The following DLG2 variants were observed in gnomAD, a reference collection of about 807,000 sequenced individuals.
DLG2 encodes disks large homolog 2.
A neutral mutation model predicts 132.5 loss-of-function variants in DLG2; 45 were observed. That is an observed-to-expected ratio of 0.34 (90% CI 0.27 to 0.44). The LOEUF (loss-of-function observed/expected upper bound fraction) is 0.44. DLG2 is among the 20% of genes least tolerant of loss of function. The pLI, the probability that DLG2 is intolerant of heterozygous loss-of-function variation, is 1.00. For synonymous variants in DLG2, 424 were observed against 419.6 expected (o/e 1.01, Z -0.13); for missense variants, 1,045 against 1,196.9 (o/e 0.87, Z 1.87).
rs1567803913 is a variant in DLG2 at position 84,502,226 on chromosome 11, CCTTCCTTCCT to C, written c.519+32334_519+32343del. 4.2e-4 allele frequency among the ~76,000 whole-genome samples: 8 copies of C among 19,058 alleles called. 1 individual carries two copies. Among genetic ancestry groups the C allele is most frequent in the Non-Finnish European group, 6.6e-4 (7 of 10,666 alleles). 12.5% of individuals were successfully genotyped at this position (19,058 alleles called of 152,430 possible). A position where few individuals can be genotyped will look rare whatever the true frequency, so the allele number is the denominator to read the frequency against. ...TCCTTCCTTCCTTCCTTCCTTCCTT[CCTTCCTTCCT>C]TCCTTCCTTCCTTCCTTCCTTCCTT... On this transcript the variant is annotated intron_variant, in intron 7 of 27. Coordinates refer to ENST00000376104, the MANE Select transcript of DLG2 (RefSeq NM_001142699.3).
At chr11:83,859,400 C>G (rs1450631045) in intron 16 of DLG2, among the ~76,000 whole-genome samples, 1 of 152,154 alleles carries the variant, frequency 6.6e-6, no homozygotes, top group East Asian at 1.9e-4. Flanking sequence ...AAACGGGGAA[C>G]TTGTTGGGAA....
At chr11:85,263,928 G>A (rs999841151) in intron 4 of DLG2, among the ~76,000 whole-genome samples, 1 of 152,202 alleles carries the variant, frequency 6.6e-6, no homozygotes, top group African/African-American at 2.4e-5. Context: ...TATATTCCAA[G>A]GAAACAACAG....
chr11:84,162,314 A>G (rs1000679818), intron 9 of DLG2, among the ~76,000 whole-genome samples: 1 of 151,952 alleles, frequency 6.6e-6, no homozygotes, highest in Non-Finnish European at 1.5e-5. Flanking sequence ...GAGTGTATTT[A>G]TGTATATATA....
intron 6 of DLG2, among the ~76,000 whole-genome samples, chr11:84,799,446 C>A (rs1340293221): frequency 6.6e-6 from 1 of 152,158 alleles, no homozygotes; most frequent in African/African-American, 2.4e-5. Flanking sequence ...CTCTTCAGTG[C>A]CTCTTTCAGT....
At chr11:84,815,492 T>C (rs764188581) in intron 6 of DLG2, among the ~76,000 whole-genome samples, 4 of 152,056 alleles carry the variant, frequency 2.6e-5, no homozygotes, top group Middle Eastern at 3.2e-3. Flanking sequence ...TAGCACCTGG[T>C]ATATTGTAGA....
intron 18 of DLG2, among the ~76,000 whole-genome samples, chr11:83,655,968 A>C (rs1327968156): frequency 6.6e-6 from 1 of 152,266 alleles, no homozygotes; most frequent in Non-Finnish European, 1.5e-5. Context: ...TAAACAGTGC[A>C]GTAGGAATTC....
intron 6 of DLG2, among the ~76,000 whole-genome samples, chr11:84,906,201 TATCTTG>T (rs1296095287): frequency 1.3e-5 from 2 of 151,598 alleles, no homozygotes; most frequent in East Asian, 3.9e-4. Context: ...TTTTTATCTT[TATCTTG>T]AACTAATATA....
At chr11:84,802,538 G>A (rs2075522965) in intron 6 of DLG2, among the ~76,000 whole-genome samples, 1 of 151,548 alleles carries the variant, frequency 6.6e-6, no homozygotes, top group Non-Finnish European at 1.5e-5. Context: ...CACTACTATG[G>A]CAGAAAATAA....
chr11:85,323,437 C>G (rs551328886), intron 3 of DLG2, among the ~76,000 whole-genome samples: 1 of 152,274 alleles, frequency 6.6e-6, no homozygotes, highest in East Asian at 1.9e-4. Context: ...ATAGAGTGTG[C>G]AATGATCAAA....
chr11:83,499,852 GATATATAT>G (rs60890814), intron 21 of DLG2, among the ~76,000 whole-genome samples: 52 of 61,638 alleles, frequency 8.4e-4, no homozygotes, highest in Middle Eastern at 0.012. Context: ...ACTAATAGGA[GATATATAT>G]ATATATATAT....
intron 15 of DLG2, 70 bp downstream of exon 15, chr11:83,930,258 A>C: frequency 1.3e-6 from 2 of 1,556,810 alleles, no homozygotes; most frequent in Admixed American, 3.4e-5. Context: ...GCAGAGGCGG[A>C]TTCTACCCAT....
chr11:85,323,234 C>T (rs1478450245), intron 3 of DLG2, among the ~76,000 whole-genome samples: 2 of 152,174 alleles, frequency 1.3e-5, no homozygotes, highest in African/African-American at 4.8e-5. Flanking sequence ...CTAACAGTCT[C>T]CTAAAATATT....
chr11:85,299,979 C>T (rs1317345026), intron 3 of DLG2, among the ~76,000 whole-genome samples: 12 of 152,042 alleles, frequency 7.9e-5, no homozygotes, highest in Non-Finnish European at 5.9e-5. Flanking sequence ...CCATAGAATG[C>T]CTCATATTAT....
chr11:83,608,531 T>C (rs1236214056), intron 19 of DLG2, among the ~76,000 whole-genome samples: 2 of 152,180 alleles, frequency 1.3e-5, no homozygotes, highest in South Asian at 2.1e-4. Context: ...GATTATCTCA[T>C]GTAATTTGTT....
intron 19 of DLG2, among the ~76,000 whole-genome samples, chr11:83,553,461 G>C (rs1593045892): frequency 1.3e-5 from 2 of 148,208 alleles, no homozygotes; most frequent in Non-Finnish European, 3.0e-5. Flanking sequence ...TCAGTACCTG[G>C]CACAAAGTAA....
chr11:83,657,534 CTTTTTTTTTT>C (rs540422330), intron 18 of DLG2, among the ~76,000 whole-genome samples: 7 of 93,398 alleles, frequency 7.5e-5, no homozygotes, highest in African/African-American at 2.8e-4. Flanking sequence ...ATTGTCTATT[CTTTTTTTTTT>C]TTTTTTTTTT....
Position 84,330,246 on chromosome 11 carries a change from G to A in DLG2, c.520-78955C>T, listed in dbSNP as rs946867154. Among the ~76,000 whole-genome samples the A allele has an allele frequency of 7.9e-5, 12 of 152,226 alleles. 3 individuals are homozygous for A. The highest frequency in any genetic ancestry group is 7.2e-4 in the Admixed American group (11 of 15,288). The stretch of plus-strand genomic sequence containing the variant: ...TCAGTTTATTTCAACTGAATGTCAG[G>A]ATTCCATATTGGTCCTAAACTTATT... On this transcript the variant is annotated intron_variant, in intron 7 of 27. Coordinates refer to ENST00000376104, the MANE Select transcript of DLG2 (RefSeq NM_001142699.3).
intron 7 of DLG2, among the ~76,000 whole-genome samples, chr11:84,293,298 A>AT (rs1372268320): frequency 6.6e-6 from 1 of 152,048 alleles, no homozygotes; most frequent in South Asian, 2.1e-4. Context: ...TCATTGATTC[A>AT]TTTTTTATCT....
intron 19 of DLG2, among the ~76,000 whole-genome samples, chr11:83,612,936 G>T (rs1223817628): frequency 3.9e-5 from 6 of 152,162 alleles, no homozygotes; most frequent in Non-Finnish European, 8.8e-5. Flanking sequence ...AGAGCAGTGG[G>T]TATGTTTTAA....
Sources: gnomAD v4.1 joint callset for allele counts (sites outside exome capture counted in the v4.1 genomes callset) on GRCh38, gnomAD v4.1.1 for gene constraint, MANE v1.5 for transcripts, NCBI Gene and HGNC (gene_info 2026-07-23, HGNC 2026-07-21) for gene names.